NFAT5: variants seen among roughly 807,000 people sequenced by gnomAD.
The protein encoded by NFAT5 is nuclear factor of activated T-cells 5.
In NFAT5, 31 loss-of-function variants were observed where a neutral mutation model predicts 166.5. The observed-to-expected ratio is 0.19, with a 90% CI of 0.14 to 0.25. NFAT5 has a LOEUF of 0.25. Among genes scored for constraint, NFAT5 ranks in the 10% least tolerant of loss-of-function variants. NFAT5 has a pLI of 1.00. For synonymous variants in NFAT5, 612 were observed against 639.7 expected (o/e 0.96, Z 0.65); for missense variants, 1,449 against 1,821.8 (o/e 0.80, Z 3.72).
chr16:69,691,969 A>T lies in NFAT5; in HGVS notation c.2144A>T (p.Gln715Leu). ...TTTCCAGCAGTTTCTGCTTCTAGTC[A>T]GCTGCCCAACAGCGATGCACTATTG... ...GTFPAVSASS[Q>L]LPNSDALLQQ... Residue 715 changes from glutamine to leucine, a missense_variant, in exon 13 of 15, where the codon CAG becomes CTG. Gln to Leu is a moderately radical substitution (Grantham distance 113). Around this residue, in one of 7 missense-constraint regions of NFAT5, gnomAD observed 891 missense variants for 993.0 expected, o/e 0.90. Transcript: ENST00000349945. 6.2e-7 allele frequency: 1 copy of T among 1,614,186 alleles called. No individual in the cohort carries two copies. Among genetic ancestry groups the T allele is most frequent in the Non-Finnish European group, 8.5e-7 (1 of 1,180,034 alleles).
chr16:69,591,972 A>C (rs189659036), intron 2 of NFAT5, among the ~76,000 whole-genome samples: 1 of 152,228 alleles, frequency 6.6e-6, no homozygotes, highest in East Asian at 1.9e-4. Context: ...AAGCTATAAA[A>C]ACTTTAAGCT....
chr16:69,578,919 G>A (rs184012821), intron 2 of NFAT5, among the ~76,000 whole-genome samples: 1 of 150,962 alleles, frequency 6.6e-6, no homozygotes, highest in Non-Finnish European at 1.5e-5. Flanking sequence ...CTGTCACCCA[G>A]GCTGGAGTGC....
At chr16:69,602,745 C>T (rs1397506822) in intron 2 of NFAT5, among the ~76,000 whole-genome samples, 2 of 151,676 alleles carry the variant, frequency 1.3e-5, no homozygotes, top group South Asian at 2.1e-4. Context: ...GTTGGGACTA[C>T]AGGCGTGCAA....
chr16:69,613,879 T>C (rs899847704), intron 2 of NFAT5, among the ~76,000 whole-genome samples: 1 of 152,246 alleles, frequency 6.6e-6, no homozygotes, highest in Non-Finnish European at 1.5e-5. Flanking sequence ...TGAATGAATG[T>C]TTAATTACTG....
intron 3 of NFAT5, among the ~76,000 whole-genome samples, chr16:69,635,965 A>G (rs1200973379): frequency 1.3e-5 from 2 of 152,188 alleles, no homozygotes; most frequent in South Asian, 2.1e-4. Flanking sequence ...CTACCAGTCC[A>G]AAGTCTCATC....
chr16:69,604,474 A>G (rs536973828), intron 2 of NFAT5, among the ~76,000 whole-genome samples: 7 of 152,340 alleles, frequency 4.6e-5, no homozygotes, highest in Admixed American at 1.3e-4. Flanking sequence ...TACTAGACCT[A>G]GTATTCAATA....
At chr16:69,631,360 G>A (rs1450497048) in intron 3 of NFAT5, among the ~76,000 whole-genome samples, 2 of 152,080 alleles carry the variant, frequency 1.3e-5, no homozygotes. Flanking sequence ...GAACTCGGGT[G>A]GCAGAGGTTG....
At chr16:69,644,322 T>C (rs2035344478) in intron 3 of NFAT5, among the ~76,000 whole-genome samples, 1 of 152,178 alleles carries the variant, frequency 6.6e-6, no homozygotes, top group African/African-American at 2.4e-5. Context: ...AAAAAAATTA[T>C]TTCATTTGTC....
chr16:69,663,035 A>T lies in NFAT5; in HGVS notation c.1369+3136A>T, dbSNP rs189269328. On this transcript the variant is annotated intron_variant, in intron 7 of 14. Transcript: ENST00000349945. ...TGGCAGCTTTAAGCAGTTGCAGTAA[A>T]ATGAGAGGTAAAAAGGAAATTGGTT... Among the ~76,000 whole-genome samples the T allele has an allele frequency of 7.7e-3, 1,168 of 152,310 alleles. 14 individuals are homozygous for T. Among genetic ancestry groups the T allele is most frequent in the African/African-American group, 0.026 (1,060 of 41,560 alleles).
At chr16:69,643,630 A>C (rs553269791) in intron 3 of NFAT5, among the ~76,000 whole-genome samples, 1 of 151,480 alleles carries the variant, frequency 6.6e-6, no homozygotes, top group South Asian at 2.1e-4. Flanking sequence ...ACTTTGAATT[A>C]TATTTGAATT....
intron 6 of NFAT5, 122 bp downstream of exon 6, chr16:69,655,921 T>TAA (rs1239902750): frequency 1.5e-6 from 1 of 681,066 alleles, no homozygotes; most frequent in African/African-American, 1.9e-5. Flanking sequence ...ATATTATGAA[T>TAA]AAAAAAAGAC....
chr16:69,659,929 A>T (rs1597489176), intron 7 of NFAT5, 30 bp downstream of exon 7: 1 of 1,501,544 alleles, frequency 6.7e-7, no homozygotes, highest in South Asian at 1.3e-5. Context: ...GATACTAAAC[A>T]TATGGAGTTT....
At chr16:69,646,648 T>A in intron 3 of NFAT5, 1 of 513,936 alleles carries the variant, frequency 1.9e-6, no homozygotes, top group Non-Finnish European at 2.9e-6. Context: ...ATGAATTATT[T>A]AATTGGCATT....
chr16:69,580,031 A>G (rs1455831341), intron 2 of NFAT5, among the ~76,000 whole-genome samples: 2 of 152,182 alleles, frequency 1.3e-5, no homozygotes, highest in Admixed American at 6.5e-5. Flanking sequence ...TTACTTGGCA[A>G]ACATACTTAG....
At position 69,697,874 on chromosome 16, in the gene NFAT5, C is replaced by T. The variant is rs1272955410; in HGVS notation, c.*1523C>T. The T allele has an allele frequency of 6.6e-6, 1 of 151,470 alleles. No individual in the cohort carries two copies. The highest frequency in any genetic ancestry group is 2.1e-4 in the South Asian group (1 of 4,794). The allele number at this position is 151,470 out of a possible 1,614,324, so 9.4% of individuals were successfully genotyped here. On this transcript the variant is annotated 3_prime_UTR_variant, in exon 15 of 15. Transcript: ENST00000349945. ...GAGATAATGTTTTGGTATCCTTGTC[C>T]GTTTCATTTATTTTTTAAGTGTACA...
Position 69,568,477 on chromosome 16 carries a change from GC to G in NFAT5, c.74-17del. The G allele has an allele frequency of 6.2e-7, 1 of 1,604,588 alleles. No homozygotes were observed. The highest frequency in any genetic ancestry group is 8.5e-7 in the Non-Finnish European group (1 of 1,174,500). The stretch of plus-strand genomic sequence containing the variant: ...TCATTCAGCATAAAAAGTACCTAAT[GC>G]TTTTTGTGTTTTTCAGATTCTCTGA... On this transcript the variant is annotated splice_polypyrimidine_tract_variant and intron_variant, in intron 1 of 14. Transcript: ENST00000349945.
intron 2 of NFAT5, among the ~76,000 whole-genome samples, chr16:69,620,104 G>C (rs6499236): frequency 0.044 from 6,680 of 152,260 alleles, 499 homozygotes; most frequent in African/African-American, 0.15. Flanking sequence ...ACATTGGGAA[G>C]CATTAATTTA....
intron 6 of NFAT5, 37 bp downstream of exon 6, chr16:69,655,836 ACTCT>A: frequency 6.6e-7 from 1 of 1,506,230 alleles, no homozygotes; most frequent in Non-Finnish European, 9.1e-7. Flanking sequence ...TATACATTAC[ACTCT>A]TGTGTTAGGC....
chr16:69,646,972 A>G lies in NFAT5; in HGVS notation c.254-56A>G, dbSNP rs191459958. On this transcript the variant is annotated intron_variant, in intron 3 of 14. Coordinates refer to ENST00000349945, the MANE Select transcript of NFAT5 (RefSeq NM_138713.4). ...AAATCACATTTTCAATGGGACTGCT[A>G]GCCAGCATAGGTGAAAACATGTATA... 1.4e-5 allele frequency: 19 copies of G among 1,376,754 alleles called. No homozygotes were observed. In the East Asian group the frequency reaches 4.0e-4, roughly 29 times the overall value. 85.3% of individuals were successfully genotyped at this position (1,376,754 alleles called of 1,614,324 possible). A position where few individuals can be genotyped will look rare whatever the true frequency, so the allele number is the denominator to read the frequency against.
Sources: allele counts gnomAD v4.1 joint callset (sites outside exome capture counted in the v4.1 genomes callset), GRCh38; gene constraint gnomAD v4.1.1; regional missense constraint gnomAD v4.1.1; transcripts MANE v1.5; gene names NCBI Gene and HGNC (gene_info 2026-07-23, HGNC 2026-07-21).